SIN3A: variants seen among roughly 807,000 people sequenced by gnomAD.
The protein encoded by SIN3A is SIN3 transcription regulator family member A, also known as paired amphipathic helix protein Sin3a.
Under a neutral mutation model 146.1 loss-of-function variants are expected in SIN3A, and 14 were observed. The observed-to-expected ratio is 0.10, with a 90% confidence interval of 0.06 to 0.15. The LOEUF (loss-of-function observed/expected upper bound fraction) is 0.15. SIN3A is among the 10% of genes least tolerant of loss of function. The pLI, the probability that SIN3A is intolerant of heterozygous loss-of-function variation, is 1.00. For missense variants in SIN3A, 1,028 were observed against 1,576.0 expected, an observed-to-expected ratio of 0.65 and a Z score of 5.89; for synonymous variants, 572 against 572.0, an observed-to-expected ratio of 1.00 and a Z score of 0.00.
chr15:75,425,518 G>A (rs564864202), intron 2 of SIN3A, among the ~76,000 whole-genome samples: 2 of 152,272 alleles, frequency 1.3e-5, no homozygotes, highest in Admixed American at 6.5e-5. Context: ...TGTATCTAAT[G>A]TAAAATAAAT....
intron 19 of SIN3A, 80 bp from the exon 20 acceptor site, chr15:75,375,952 T>C (rs959302324): frequency 7.2e-7 from 1 of 1,386,018 alleles, no homozygotes; most frequent in Non-Finnish European, 1.0e-6. Context: ...GTTTTCTTTA[T>C]TATATGCTTG....
chr15:75,372,236 T>G (rs751660502), intron 20 of SIN3A, 27 bp from the exon 21 acceptor site: 2 of 1,499,702 alleles, frequency 1.3e-6, no homozygotes, highest in Non-Finnish European at 1.8e-6. Context: ...AAAAATTTTA[T>G]TAAATGAAGC....
upstream of SIN3A, chr15:75,453,513 A>G (rs904839368): frequency 6.6e-6 from 1 of 152,468 alleles, no homozygotes; most frequent in Non-Finnish European, 1.5e-5. Context: ...AACTACTCAG[A>G]ACCCAAGCCA....
chr15:75,398,870 G>A lies in SIN3A; in HGVS notation c.1854+1170C>T, dbSNP rs77801954. Among the ~76,000 whole-genome samples the A allele has an allele frequency of 8.1e-3, 1,225 of 152,000 alleles. 35 individuals carry two copies. In the East Asian group the frequency reaches 0.1, roughly 13 times the overall value. On this transcript the variant is annotated intron_variant, in intron 12 of 20. Transcript: ENST00000394947. ...ATAAAAAACAAAAAATTAGCCACAG[G>A]GGGTAGGAGGCAAGGGGAGGGAGAG... is the stretch of plus-strand genomic sequence containing the variant.
chr15:75,391,526 A>T (rs987661921), intron 15 of SIN3A, among the ~76,000 whole-genome samples: 16 of 152,096 alleles, frequency 1.1e-4, no homozygotes, highest in South Asian at 1.0e-3. Flanking sequence ...AAGAAGAAGA[A>T]GATACACTCC....
chr15:75,438,559 A>C (rs892629246), intron 1 of SIN3A, among the ~76,000 whole-genome samples: 1 of 151,812 alleles, frequency 6.6e-6, no homozygotes, highest in Non-Finnish European at 1.5e-5. Context: ...CATGGTAGTG[A>C]GCACCTGTAG....
chr15:75,402,903 G>C (rs2073438088), intron 9 of SIN3A, among the ~76,000 whole-genome samples: 1 of 152,004 alleles, frequency 6.6e-6, no homozygotes. Flanking sequence ...CCAAAGTGCT[G>C]GGATTACAGG....
intron 8 of SIN3A, among the ~76,000 whole-genome samples, chr15:75,409,296 A>G (rs2073581036): frequency 6.6e-6 from 1 of 152,308 alleles, no homozygotes; most frequent in East Asian, 1.9e-4. Flanking sequence ...CAAAGGAGAG[A>G]TAATAAAGAA....
intron 12 of SIN3A, among the ~76,000 whole-genome samples, chr15:75,399,824 TA>T (rs753383745): frequency 1.3e-5 from 2 of 152,238 alleles, no homozygotes; most frequent in Non-Finnish European, 2.9e-5. Context: ...TTAAAAGGGC[TA>T]AAGTGGCCTA....
At chr15:75,431,243 T>C (rs1379890065) in intron 1 of SIN3A, among the ~76,000 whole-genome samples, 1 of 152,210 alleles carries the variant, frequency 6.6e-6, no homozygotes, top group Non-Finnish European at 1.5e-5. Context: ...CTTCAACAAG[T>C]TCCTCATTCT....
At chr15:75,410,388 A>C in intron 6 of SIN3A, 102 bp from the exon 7 acceptor site, 1 of 1,177,822 alleles carries the variant, frequency 8.5e-7, no homozygotes, top group Non-Finnish European at 1.2e-6. Flanking sequence ...GGCTGCATGT[A>C]AGAAGAAAGT....
intron 6 of SIN3A, among the ~76,000 whole-genome samples, chr15:75,410,823 G>A (rs2073622251): frequency 6.6e-6 from 1 of 151,744 alleles, no homozygotes; most frequent in African/African-American, 2.4e-5. Flanking sequence ...GCCATGGCGG[G>A]TGGATCACCT....
In SIN3A at chr15:75,399,311, G is replaced by A. The variant is rs574271119; in HGVS notation, c.1854+729C>T. On this transcript the variant is annotated intron_variant, in intron 12 of 20. Transcript: ENST00000394947. ...TGGGAGGCCGAGACGGGTGGATCAC[G>A]AGGTCAGGAGATCGAGACCATCCTG... Among the ~76,000 whole-genome samples the A allele has an allele frequency of 3.9e-5, 6 of 152,158 alleles. No individual in the cohort carries two copies. In the East Asian group the frequency reaches 7.7e-4, roughly 20 times the overall value.
chr15:75,412,154 A>C (rs1292287315), intron 5 of SIN3A, among the ~76,000 whole-genome samples: 1 of 152,214 alleles, frequency 6.6e-6, no homozygotes, highest in African/African-American at 2.4e-5. Context: ...TGTAGAACTG[A>C]GATGATGGAA....
chr15:75,434,217 A>G (rs1360364309), intron 1 of SIN3A, among the ~76,000 whole-genome samples: 2 of 152,216 alleles, frequency 1.3e-5, no homozygotes, highest in African/African-American at 4.8e-5. Context: ...ATCCTTCTTC[A>G]GCCTAAACCT....
intron 20 of SIN3A, among the ~76,000 whole-genome samples, chr15:75,374,662 C>A (rs1052133465): frequency 1.3e-5 from 2 of 152,250 alleles, no homozygotes; most frequent in African/African-American, 4.8e-5. Flanking sequence ...CAACCTTGAG[C>A]CACAATGGTG....
intron 15 of SIN3A, among the ~76,000 whole-genome samples, chr15:75,391,870 A>G (rs1431662637): frequency 2.0e-5 from 3 of 152,216 alleles, no homozygotes; most frequent in African/African-American, 7.2e-5. Context: ...TTTAAGCACT[A>G]GGAATTTATG....
intron 19 of SIN3A, among the ~76,000 whole-genome samples, chr15:75,380,274 C>T (rs1365871519): frequency 6.6e-6 from 1 of 152,202 alleles, no homozygotes. Context: ...TTGCCACAGG[C>T]ACCTTTTCGC....
intron 3 of SIN3A, among the ~76,000 whole-genome samples, chr15:75,414,831 A>G (rs957462584): frequency 2.6e-5 from 4 of 152,226 alleles, no homozygotes; most frequent in Admixed American, 2.0e-4. Flanking sequence ...AAAGATGACT[A>G]TAAGCTAGCA....
Sources: allele counts gnomAD v4.1 joint callset (sites outside exome capture counted in the v4.1 genomes callset), GRCh38; gene constraint gnomAD v4.1.1; transcripts MANE v1.5; gene names NCBI Gene and HGNC (gene_info 2026-07-23, HGNC 2026-07-21).